TRIO: variants seen among roughly 807,000 people sequenced by gnomAD.
The protein encoded by TRIO is triple functional domain protein.
A neutral mutation model predicts 351.9 loss-of-function variants in TRIO; 58 were observed. The ratio of observed to expected loss-of-function variants is 0.16; its 90% CI spans 0.13 to 0.21. The LOEUF (loss-of-function observed/expected upper bound fraction) is 0.21, where lower values mean the gene tolerates loss of function less well. Among genes scored for constraint, TRIO ranks in the 10% least tolerant of loss-of-function variants. TRIO has a pLI of 1.00. For missense variants in TRIO, 3,201 were observed against 4,027.8 expected, an observed-to-expected ratio of 0.79 and a Z score of 5.56; for synonymous variants, 1,758 against 1,595.7, an observed-to-expected ratio of 1.10 and a Z score of -2.42.
intron 2 of TRIO, among the ~76,000 whole-genome samples, chr5:14,273,585 C>T (rs1735222488): frequency 6.6e-6 from 1 of 152,210 alleles, no homozygotes; most frequent in African/African-American, 2.4e-5. Flanking sequence ...GGGCTCCTCC[C>T]TTGTGTGGGA....
chr5:14,211,592 T>TG (rs950060607), intron 1 of TRIO, among the ~76,000 whole-genome samples: 6 of 147,898 alleles, frequency 4.1e-5, no homozygotes, highest in Non-Finnish European at 9.0e-5. Flanking sequence ...ACTCAGTTGT[T>TG]TTTTTTTTTT....
At chr5:14,502,413 G>A (rs1436137425) in intron 53 of TRIO, among the ~76,000 whole-genome samples, 166 bp from the exon 54 acceptor site, 2 of 152,214 alleles carry the variant, frequency 1.3e-5, no homozygotes, top group Non-Finnish European at 1.5e-5. Flanking sequence ...AAGCCCCAGT[G>A]TCTGTGTGTC....
intron 30 of TRIO, among the ~76,000 whole-genome samples, chr5:14,400,094 CA>C (rs760457486): frequency 1.3e-4 from 20 of 152,072 alleles, no homozygotes; most frequent in Non-Finnish European, 2.2e-4. Flanking sequence ...GTTTTCATAC[CA>C]TTTTGTTTGG....
chr5:14,507,795 C>T (rs1327076802), intron 56 of TRIO, 85 bp from the exon 57 acceptor site: 1 of 1,490,900 alleles, frequency 6.7e-7, no homozygotes, highest in Non-Finnish European at 9.0e-7. Flanking sequence ...AGATTCCTTC[C>T]ACCTCACCAT....
Position 14,508,221 on chromosome 5 carries a change from G to A in TRIO, c.9093G>A (p.Leu3031=). ...CCAAGGAGTTCGTGTGCTTCCTCCT[G>A]CAGGAGGACCCCGCCAAGCGTCCCT... The part of the protein sequence containing the change: ...QKAKEFVCFL[L]QEDPAKRPSA... Residue 3031 remains leucine, a synonymous_variant, in exon 57 of 57, where the codon CTG becomes CTA. Coordinates refer to ENST00000344204, the MANE Select transcript of TRIO (RefSeq NM_007118.4). 6.2e-7 allele frequency: 1 copy of A among 1,614,102 alleles called. No homozygotes were observed. Among genetic ancestry groups the A allele is most frequent in the Non-Finnish European group, 8.5e-7 (1 of 1,180,030 alleles).
chr5:14,186,124 T>C (rs26061), intron 1 of TRIO, among the ~76,000 whole-genome samples: 129,143 of 152,188 alleles, frequency 0.85, 54,963 homozygotes, highest in East Asian at 0.99. Context: ...AAATAAATTG[T>C]AAACTCAAGT....
intron 20 of TRIO, among the ~76,000 whole-genome samples, chr5:14,378,980 G>A (rs1458518656): frequency 6.6e-6 from 1 of 152,166 alleles, no homozygotes; most frequent in Non-Finnish European, 1.5e-5. Context: ...ATCAGTCATG[G>A]ACGAAGATCA....
At chr5:14,314,388 T>G (rs1202035053) in intron 8 of TRIO, among the ~76,000 whole-genome samples, 2 of 152,264 alleles carry the variant, frequency 1.3e-5, no homozygotes, top group East Asian at 3.8e-4. Flanking sequence ...GCTGGTCATA[T>G]ATATAAAACT....
intron 41 of TRIO, among the ~76,000 whole-genome samples, chr5:14,478,653 T>C (rs1000327908): frequency 1.3e-5 from 2 of 152,056 alleles, no homozygotes; most frequent in African/African-American, 2.4e-5. Context: ...CTTTGTTTAA[T>C]ATTAAGAAGG....
chr5:14,193,443 T>A (rs766537354), intron 1 of TRIO, among the ~76,000 whole-genome samples: 1 of 152,226 alleles, frequency 6.6e-6, no homozygotes, highest in South Asian at 2.1e-4. Flanking sequence ...AGTTTTACTT[T>A]AAAAATATGA....
chr5:14,497,404 A>G lies in TRIO; in HGVS notation c.8019+387A>G, dbSNP rs555585745. Among the ~76,000 whole-genome samples the G allele has an allele frequency of 4.9e-4, 74 of 152,290 alleles. No individual in the cohort carries two copies. Among genetic ancestry groups the G allele is most frequent in the African/African-American group, 1.8e-3 (73 of 41,550 alleles). On this transcript the variant is annotated intron_variant, in intron 50 of 56. Transcript: ENST00000344204. The surrounding 1 kb of genome is among the most constrained non-coding windows in gnomAD (Gnocchi z 4.4). ...GAAGTGGCTAGATGTGGGGGTGCAT[A>G]TGGGCTCTCTGGCTGTGACAGATCC...
intron 34 of TRIO, among the ~76,000 whole-genome samples, chr5:14,448,861 A>C (rs1461071467): frequency 1.3e-5 from 2 of 152,148 alleles, no homozygotes; most frequent in African/African-American, 2.4e-5. Flanking sequence ...CTGGTAAGAT[A>C]GTTCCTTGGG....
chr5:14,159,573 T>G (rs1581249233), intron 1 of TRIO, among the ~76,000 whole-genome samples: 1 of 151,406 alleles, frequency 6.6e-6, no homozygotes, highest in Admixed American at 6.6e-5. Context: ...ATATTTTTTT[T>G]CTTTTTTTTT....
At position 14,358,341 on chromosome 5, in the gene TRIO, A is replaced by G; in HGVS notation, c.2210A>G (p.Gln737Arg). 6.2e-7 allele frequency: 1 copy of G among 1,614,032 alleles called. No homozygotes were observed. Among genetic ancestry groups the G allele is most frequent in the Non-Finnish European group, 8.5e-7 (1 of 1,179,940 alleles). Residue 737 changes from glutamine (Q) to arginine (R), a missense_variant, in exon 12 of 57, where the codon CAG becomes CGG. Physicochemically the swap from Gln to Arg is conservative, Grantham distance 43. Coordinates refer to ENST00000344204, the MANE Select transcript of TRIO (RefSeq NM_007118.4). Reference sequence around the variant, plus strand: ...AAGGAAGGGGAGGACCTCATCCAGCAGCTCAGGTGGGCCTCACCCCTCTCC... The same window carrying G: ...AAGGAAGGGGAGGACCTCATCCAGCGGCTCAGGTGGGCCTCACCCCTCTCC... ...VIKEGEDLIQ[Q>R]LRDSAISSNK...
At chr5:14,504,134 G>T (rs1162536074) in intron 54 of TRIO, among the ~76,000 whole-genome samples, 1 of 152,246 alleles carries the variant, frequency 6.6e-6, no homozygotes, top group Non-Finnish European at 1.5e-5. Flanking sequence ...ACCACACGCA[G>T]TGCTGGGAAA....
At chr5:14,360,373 G>A (rs1744039479) in intron 13 of TRIO, among the ~76,000 whole-genome samples, 2 of 152,150 alleles carry the variant, frequency 1.3e-5, no homozygotes, top group South Asian at 2.1e-4. Flanking sequence ...ACCTGGGAAC[G>A]TGACGTAAGG....
At position 14,487,458 on chromosome 5, in the gene TRIO, T is replaced by G. The variant is rs1364924645; in HGVS notation, c.6836-6T>G. On this transcript the variant is annotated splice_polypyrimidine_tract_variant and splice_region_variant and intron_variant, in intron 47 of 56. Transcript: ENST00000344204. The stretch of plus-strand genomic sequence containing the variant: ...ACCCAGTCTCTCCCGCTGTCTTGTC[T>G]TACAGCCTTGACATCGCCAATCGAG... 1 of 1,098,092 alleles carries G rather than the reference T, an allele frequency of 9.1e-7. No homozygotes were observed. Among genetic ancestry groups the G allele is most frequent in the Non-Finnish European group, 1.1e-6 (1 of 884,632 alleles). 68.0% of individuals were successfully genotyped at this position (1,098,092 alleles called of 1,614,324 possible).
intron 9 of TRIO, among the ~76,000 whole-genome samples, chr5:14,317,281 T>C (rs1407422197): frequency 3.3e-5 from 5 of 152,138 alleles, no homozygotes; most frequent in African/African-American, 9.7e-5. Context: ...CAGTTCCCCA[T>C]TGTTTTGCTT....
chr5:14,491,010 A>G (rs6880696), intron 48 of TRIO, among the ~76,000 whole-genome samples: 6,575 of 152,276 alleles, frequency 0.043, 492 homozygotes, highest in African/African-American at 0.15. Context: ...GTGGGCACCC[A>G]CAGGGACAAG....
Sources: allele counts gnomAD v4.1 joint callset (sites outside exome capture counted in the v4.1 genomes callset), GRCh38; gene constraint gnomAD v4.1.1; non-coding constraint Gnocchi (gnomAD v3.1); transcripts MANE v1.5; gene names NCBI Gene and HGNC (gene_info 2026-07-23, HGNC 2026-07-21).